Variants in TBC1D22A observed in about 807,000 individuals in gnomAD.
TBC1D22A encodes the protein putative GTPase activator.
Under a neutral mutation model 60.2 loss-of-function variants are expected in TBC1D22A, and 38 were observed. The ratio of observed to expected loss-of-function variants is 0.63; its 90% CI spans 0.49 to 0.83. TBC1D22A has a LOEUF of 0.83. TBC1D22A is among the 40% of genes least tolerant of loss of function. The pLI is 0.00. For synonymous variants in TBC1D22A, 302 were observed against 281.7 expected (o/e 1.07, Z -0.72); for missense variants, 628 against 701.0 (o/e 0.90, Z 1.18).
At chr22:46,966,064 C>T (rs574955229) in intron 8 of TBC1D22A, among the ~76,000 whole-genome samples, 3 of 152,318 alleles carry the variant, frequency 2.0e-5, no homozygotes, top group African/African-American at 4.8e-5. Flanking sequence ...TAGCGCTTCC[C>T]GTCCCTCTAC....
At chr22:46,974,265 C>A in intron 8 of TBC1D22A, 25 bp from the exon 9 acceptor site, 1 of 1,562,442 alleles carries the variant, frequency 6.4e-7, no homozygotes, top group Non-Finnish European at 8.7e-7. Flanking sequence ...GTCTCCTTGT[C>A]TTTTGCATGC....
intron 12 of TBC1D22A, among the ~76,000 whole-genome samples, chr22:47,123,723 G>A (rs1027819357): frequency 7.9e-5 from 12 of 152,242 alleles, no homozygotes; most frequent in South Asian, 4.1e-4. Flanking sequence ...CGTTGTCTCC[G>A]TCTTTATTGT....
chr22:47,068,225 C>T (rs188289640), intron 11 of TBC1D22A, among the ~76,000 whole-genome samples: 1 of 152,360 alleles, frequency 6.6e-6, no homozygotes, highest in East Asian at 1.9e-4. Flanking sequence ...TCCATGGCAC[C>T]ACTGTCGAGG....
chr22:47,010,852 T>C (rs1328455242), intron 10 of TBC1D22A, among the ~76,000 whole-genome samples: 3 of 152,072 alleles, frequency 2.0e-5, no homozygotes, highest in Non-Finnish European at 2.9e-5. Context: ...ATCAAAGAAA[T>C]AGAAGTTTCA....
chr22:47,114,373 A>T (rs1569455056), intron 12 of TBC1D22A, among the ~76,000 whole-genome samples: 2 of 151,860 alleles, frequency 1.3e-5, no homozygotes, highest in African/African-American at 4.8e-5. Flanking sequence ...CATGAGATTG[A>T]TTTTCTTCCT....
chr22:46,998,573 G>A lies in TBC1D22A; in HGVS notation c.1201+864G>A, dbSNP rs116519412. On this transcript the variant is annotated intron_variant, in intron 10 of 12. Coordinates refer to ENST00000337137, the MANE Select transcript of TBC1D22A (RefSeq NM_014346.5). ...TGCCCGCTGAGCGTTGCCGGTCACT[G>A]TGCCTTTTCCCCTCCCTGCGCCTTT... Among the ~76,000 whole-genome samples, 1,108 of 152,352 alleles carry A rather than the reference G, an allele frequency of 7.3e-3. 15 individuals are homozygous for A. The highest frequency in any genetic ancestry group is 0.025 in the African/African-American group (1,022 of 41,586).
At chr22:47,005,081 G>T (rs549978793) in intron 10 of TBC1D22A, among the ~76,000 whole-genome samples, 1 of 151,176 alleles carries the variant, frequency 6.6e-6, no homozygotes, top group Non-Finnish European at 1.5e-5. Flanking sequence ...ACATATACAT[G>T]CATGCCTGTA....
At chr22:47,039,146 C>G (rs568517581) in intron 11 of TBC1D22A, among the ~76,000 whole-genome samples, 1 of 152,252 alleles carries the variant, frequency 6.6e-6, no homozygotes, top group Non-Finnish European at 1.5e-5. Context: ...CTACTTAAAA[C>G]TCCTAATAGG....
intron 4 of TBC1D22A, among the ~76,000 whole-genome samples, chr22:46,823,056 A>G (rs1450412008): frequency 6.6e-6 from 1 of 152,170 alleles, no homozygotes; most frequent in Non-Finnish European, 1.5e-5. Flanking sequence ...GCTGTCAGGA[A>G]CCACAAGTAT....
intron 1 of TBC1D22A, among the ~76,000 whole-genome samples, chr22:46,783,796 A>T (rs1163691457): frequency 6.6e-6 from 1 of 152,160 alleles, no homozygotes; most frequent in African/African-American, 2.4e-5. Flanking sequence ...ATTCTGGCTT[A>T]TGCATTATTC....
intron 9 of TBC1D22A, among the ~76,000 whole-genome samples, chr22:46,980,941 A>G (rs181159666): frequency 2.7e-4 from 41 of 152,360 alleles, no homozygotes; most frequent in Non-Finnish European, 3.8e-4. Context: ...TAGCTCTCCA[A>G]TGAGATTAGA....
chr22:47,133,269 C>CTT (rs1472278554), intron 12 of TBC1D22A, among the ~76,000 whole-genome samples: 65 of 152,298 alleles, frequency 4.3e-4, no homozygotes, highest in African/African-American at 1.5e-3. Flanking sequence ...AATTCCAAAG[C>CTT]AAAACTATAC....
intron 4 of TBC1D22A, among the ~76,000 whole-genome samples, chr22:46,804,102 G>A (rs1255952317): frequency 6.6e-6 from 1 of 152,200 alleles, no homozygotes; most frequent in African/African-American, 2.4e-5. Context: ...ACCTCCTTGA[G>A]CCAAGGACGG....
intron 12 of TBC1D22A, among the ~76,000 whole-genome samples, chr22:47,137,815 C>A (rs5767527): frequency 0.28 from 42,422 of 151,786 alleles, 6,530 homozygotes; most frequent in East Asian, 0.6. Context: ...AGTGGGGAGT[C>A]GGGAGTGGAG....
chr22:46,817,478 T>C (rs2085654481), intron 4 of TBC1D22A, among the ~76,000 whole-genome samples: 1 of 152,174 alleles, frequency 6.6e-6, no homozygotes, highest in Admixed American at 6.5e-5. Context: ...ATTGTTCAAC[T>C]CCCAGCTATG....
chr22:47,043,382 C>G (rs576627245), intron 11 of TBC1D22A, among the ~76,000 whole-genome samples: 19 of 152,258 alleles, frequency 1.2e-4, no homozygotes, highest in Admixed American at 7.8e-4. Context: ...TGCGGCTGTC[C>G]CCGGGCTTGC....
chr22:46,975,543 T>C (rs1231490917), intron 9 of TBC1D22A, among the ~76,000 whole-genome samples: 1 of 152,196 alleles, frequency 6.6e-6, no homozygotes, highest in Admixed American at 6.5e-5. Flanking sequence ...AGCATCCCTG[T>C]TATCCCAGCT....
chr22:46,775,421 C>A (rs900525819), intron 1 of TBC1D22A, among the ~76,000 whole-genome samples: 2 of 152,078 alleles, frequency 1.3e-5, no homozygotes, highest in African/African-American at 4.8e-5. Context: ...TGACTATTTT[C>A]CTGCTCACGT....
At chr22:47,154,909 A>C (rs1478220032) in intron 12 of TBC1D22A, among the ~76,000 whole-genome samples, 2 of 152,182 alleles carry the variant, frequency 1.3e-5, no homozygotes, top group Non-Finnish European at 2.9e-5. Context: ...TAAGCACCTG[A>C]CTGAGGGTGC....
Sources: allele counts gnomAD v4.1 joint callset (sites outside exome capture counted in the v4.1 genomes callset), GRCh38; gene constraint gnomAD v4.1.1; transcripts MANE v1.5; gene names NCBI Gene and HGNC (gene_info 2026-07-23, HGNC 2026-07-21).